The following ANK2 variants were observed in gnomAD, a reference collection of about 807,000 sequenced individuals.
ANK2 encodes the protein ankyrin 2.
ANK2 carries 83 observed loss-of-function variants against 360.5 expected under a neutral mutation model. That is an observed-to-expected ratio of 0.23 (90% CI 0.19 to 0.28). The LOEUF (loss-of-function observed/expected upper bound fraction) is 0.28, where lower values mean the gene tolerates loss of function less well. ANK2 is among the 10% of genes least tolerant of loss of function. The probability of loss-of-function intolerance (pLI) is 1.00; values close to 1 mark genes in which losing one functional copy is unlikely to be tolerated. For missense variants in ANK2, 4,201 were observed against 4,795.7 expected (o/e 0.88, Z 3.66); for synonymous variants, 1,740 against 1,759.5 (o/e 0.99, Z 0.28).
chr4:113,374,871 A>G, intron 45 of ANK2: 1 of 1,271,376 alleles, frequency 7.9e-7, no homozygotes, highest in Non-Finnish European at 1.0e-6. Context: ...TGGTACTTGG[A>G]GAGAGGATGG....
intron 1 of ANK2, among the ~76,000 whole-genome samples, chr4:113,080,017 G>A (rs1223697626): frequency 6.6e-6 from 1 of 151,402 alleles, no homozygotes; most frequent in African/African-American, 2.4e-5. Context: ...TTCTGCCTCA[G>A]TTACCCGAAT....
intron 2 of ANK2, among the ~76,000 whole-genome samples, chr4:113,043,589 T>C (rs1181871754): frequency 2.0e-5 from 3 of 152,152 alleles, no homozygotes; most frequent in African/African-American, 4.8e-5. Flanking sequence ...GGCTTTTTCA[T>C]TGTGAATTTT....
chr4:113,271,049 G>C (rs1260866232), intron 14 of ANK2, among the ~76,000 whole-genome samples: 3 of 152,138 alleles, frequency 2.0e-5, no homozygotes, highest in Non-Finnish European at 4.4e-5. Context: ...TCAAGATTGT[G>C]CTGATTAACC....
the ANK2 span, among the ~76,000 whole-genome samples, chr4:112,774,123 G>A: frequency 1.3e-5 from 2 of 151,870 alleles, no homozygotes; most frequent in South Asian, 2.1e-4. Flanking sequence ...GAGCCACCGC[G>A]CCCAGCCGGA....
chr4:113,031,531 TTAAAG>T (rs1203636717), intron 2 of ANK2: 4 of 152,044 alleles, frequency 2.6e-5, no homozygotes, highest in African/African-American at 4.8e-5. Flanking sequence ...GGAAGTATAA[TTAAAG>T]TAAAGATATT....
At chr4:112,864,601 C>T (rs1335059779) in intron 1 of ANK2, among the ~76,000 whole-genome samples, 1 of 151,948 alleles carries the variant, frequency 6.6e-6, no homozygotes, top group African/African-American at 2.4e-5. Context: ...TCAGCCCCGG[C>T]GCCCGGCCGG....
the ANK2 span, chr4:112,796,998 A>T: frequency 1.2e-5 from 2 of 165,946 alleles, no homozygotes; most frequent in African/African-American, 4.7e-5. Context: ...CAGGTTACTA[A>T]GAGAAATTCT....
intron 2 of ANK2, among the ~76,000 whole-genome samples, chr4:112,939,409 A>G (rs1176952300): frequency 6.6e-6 from 1 of 152,056 alleles, no homozygotes; most frequent in Admixed American, 6.5e-5. Flanking sequence ...TCCCTTGTTC[A>G]AGCGATTCTC....
intron 18 of ANK2, among the ~76,000 whole-genome samples, chr4:113,283,093 G>C (rs1282073451): frequency 2.6e-5 from 4 of 152,154 alleles, no homozygotes; most frequent in African/African-American, 7.2e-5. Flanking sequence ...TTGGCTTCTT[G>C]ACTTTTCTAT....
the ANK2 span, among the ~76,000 whole-genome samples, chr4:112,725,302 A>AC: frequency 3.9e-3 from 575 of 147,596 alleles, 7 homozygotes; most frequent in African/African-American, 0.014. Flanking sequence ...AAAAAAAAAA[A>AC]CAGGAAACAA....
Position 113,255,808 on chromosome 4 carries a change from A to T in ANK2, c.1064A>T (p.Lys355Met). The T allele has an allele frequency of 6.2e-7, 1 of 1,614,216 alleles. No homozygotes were observed. Among genetic ancestry groups the T allele is most frequent in the Non-Finnish European group, 8.5e-7 (1 of 1,180,030 alleles). ...TGTGTGAAGCACCTGTTACAGCACA[A>T]GGCACCTGTTGATGATGTCACCCTA... ...VECVKHLLQH[K>M]APVDDVTLDY... is the part of the protein sequence containing the mutation. The change falls in exon 11 of 46, where the codon AAG (lysine) becomes ATG (methionine). Residue 355 changes from lysine to methionine, a missense_variant. By Grantham distance (95) the Lys-to-Met change is moderately conservative. Coordinates refer to ENST00000357077, the MANE Select transcript of ANK2 (RefSeq NM_001148.6).
At chr4:113,152,270 T>C (rs527880072) in intron 1 of ANK2, 3 of 152,220 alleles carry the variant, frequency 2.0e-5, no homozygotes, top group African/African-American at 7.2e-5. Context: ...CTATAGTGGC[T>C]TTTTCAAGGT....
At chr4:112,817,223 A>C (rs1428040786), upstream of ANK2, among the ~76,000 whole-genome samples, 2 of 152,182 alleles carry the variant, frequency 1.3e-5, no homozygotes, top group Admixed American at 6.5e-5. Flanking sequence ...ACCAGCCTTT[A>C]GATTCAGTAT....
intron 2 of ANK2, among the ~76,000 whole-genome samples, chr4:112,944,919 C>T (rs2094456180): frequency 6.6e-6 from 1 of 152,182 alleles, no homozygotes; most frequent in African/African-American, 2.4e-5. Context: ...GTCATATTGA[C>T]AGTTGACTTT....
chr4:113,333,300 G>GTATA, intron 29 of ANK2, 92 bp downstream of exon 29: 1 of 366,578 alleles, frequency 2.7e-6, no homozygotes. Flanking sequence ...GTGTGTATAT[G>GTATA]TGTGTGTGTG....
At chr4:112,732,153 T>C in the ANK2 span, among the ~76,000 whole-genome samples, 1 of 152,134 alleles carries the variant, frequency 6.6e-6, no homozygotes, top group Admixed American at 6.6e-5. Context: ...AGCACACCAC[T>C]GGGTGTATCA....
At position 113,079,008 on chromosome 4, in the gene ANK2, A is replaced by G. The variant is rs568457716; in HGVS notation, c.84+29196A>G. Among the ~76,000 whole-genome samples, 70 of 152,330 alleles carry G rather than the reference A, an allele frequency of 4.6e-4. 1 individual carries two copies. The highest frequency in any genetic ancestry group is 1.9e-3 in the East Asian group (10 of 5,190). Reference sequence around the variant, plus strand: ...TAAACCCATTTACGTTTTTTTAAAAAAGGAAACTTGAAACCCAGAGACGTT... The same window carrying G: ...TAAACCCATTTACGTTTTTTTAAAAGAGGAAACTTGAAACCCAGAGACGTT... On this transcript the variant is annotated intron_variant, in intron 1 of 45. Coordinates refer to ENST00000357077, the MANE Select transcript of ANK2 (RefSeq NM_001148.6).
chr4:113,246,843 G>A (rs1448945475), intron 9 of ANK2, among the ~76,000 whole-genome samples: 2 of 152,156 alleles, frequency 1.3e-5, no homozygotes, highest in African/African-American at 4.8e-5. Context: ...AACTTATGAA[G>A]TGTGTATTAT....
intron 35 of ANK2, among the ~76,000 whole-genome samples, chr4:113,346,787 G>C (rs1377261799): frequency 1.3e-5 from 2 of 152,154 alleles, no homozygotes; most frequent in Non-Finnish European, 2.9e-5. Flanking sequence ...ATTAATTTCT[G>C]ACCCCAAGTC....
Sources: gnomAD v4.1 joint callset for allele counts (sites outside exome capture counted in the v4.1 genomes callset) on GRCh38, gnomAD v4.1.1 for gene constraint, MANE v1.5 for transcripts, NCBI Gene and HGNC (gene_info 2026-07-23, HGNC 2026-07-21) for gene names.